EHMT2: variants seen among roughly 807,000 people sequenced by gnomAD.
EHMT2 encodes histone-lysine N-methyltransferase EHMT2.
Under a neutral mutation model 143.3 loss-of-function variants are expected in EHMT2, and 59 were observed. The observed-to-expected ratio is 0.41, with a 90% CI of 0.33 to 0.51. The LOEUF (loss-of-function observed/expected upper bound fraction) is 0.51, where lower values mean the gene tolerates loss of function less well. Ranked by LOEUF, EHMT2 falls within the 20% of genes least tolerant of loss-of-function variation. The probability of loss-of-function intolerance (pLI) is 0.18; values close to 1 mark genes in which losing one functional copy is unlikely to be tolerated. For synonymous variants in EHMT2, 604 were observed against 651.5 expected (o/e 0.93, Z 1.11); for missense variants, 1,174 against 1,645.9 (o/e 0.71, Z 4.96).
Position 31,884,266 on chromosome 6 carries a change from G to A in EHMT2, c.2771+126C>T, listed in dbSNP as rs1356519487. 8.7e-6 allele frequency: 10 copies of A among 1,150,592 alleles called. No homozygotes were observed. Among genetic ancestry groups the A allele is most frequent in the Non-Finnish European group, 1.2e-5 (10 of 829,144 alleles). 71.3% of individuals were successfully genotyped at this position (1,150,592 alleles called of 1,614,324 possible). On this transcript the variant is annotated intron_variant, in intron 21 of 27. Coordinates refer to ENST00000375537, the Ensembl canonical transcript of EHMT2. This position sits in a 1 kb window ranked among gnomAD's most constrained non-coding sequence, Gnocchi z 7.3. The stretch of plus-strand genomic sequence containing the variant: ...ACCCTAGTGGGGAGGGGGCCTGTGG[G>A]TGGTTCTGGGGATTCAGTGGTGCAT...
chr6:31,893,939 T>C (rs1352221107), intron 4 of EHMT2, among the ~76,000 whole-genome samples: 1 of 152,144 alleles, frequency 6.6e-6, no homozygotes, highest in Non-Finnish European at 1.5e-5. Flanking sequence ...TGAAAGTATT[T>C]AATACCATTA....
In EHMT2 at chr6:31,883,755, A is replaced by G; in HGVS notation, c.2916+51T>C. 9 of 1,593,600 alleles carry G rather than the reference A, an allele frequency of 5.6e-6. No individual in the cohort carries two copies. Among genetic ancestry groups the G allele is most frequent in the Non-Finnish European group, 7.7e-6 (9 of 1,170,052 alleles). ...GCTGGTTTGAAGCTTGTCCAACTGT[A>G]CTTGGCAGCTCTCGGTGTCCTTTTG... On this transcript the variant is annotated intron_variant, in intron 22 of 27. Transcript: ENST00000375537. This position sits in a 1 kb window ranked among gnomAD's most constrained non-coding sequence, Gnocchi z 5.6.
chr6:31,880,543 T>C lies in EHMT2; in HGVS notation c.3452+130A>G, dbSNP rs1266847539. Reference sequence around the variant, plus strand: ...CCCCAAGTCCTCCAGGAAATACTTATGTACACTGAAATCTGAGAAGCTCTG... The same window carrying C: ...CCCCAAGTCCTCCAGGAAATACTTACGTACACTGAAATCTGAGAAGCTCTG... On this transcript the variant is annotated intron_variant, in intron 27 of 27. Coordinates refer to ENST00000375537, the Ensembl canonical transcript of EHMT2. This position sits in a 1 kb window ranked among gnomAD's most constrained non-coding sequence, Gnocchi z 6.6. 35 of 1,039,680 alleles carry C rather than the reference T, an allele frequency of 3.4e-5. No individual in the cohort carries two copies. The highest frequency in any genetic ancestry group is 4.8e-5 in the African/African-American group (3 of 62,300). 64.4% of individuals were successfully genotyped at this position (1,039,680 alleles called of 1,614,324 possible).
chr6:31,888,891 G>A lies in EHMT2; in HGVS notation c.1216+78C>T, dbSNP rs1487559573. On this transcript the variant is annotated intron_variant, in intron 10 of 27. Transcript: ENST00000375537. This position sits in a 1 kb window ranked among gnomAD's most constrained non-coding sequence, Gnocchi z 7.4. ...TGGCCATGGACACCCCGGCTCTGGCGTGGTTCCCCTCCTTCCCTTTCCCTC... is the reference window on the plus strand; with the variant it reads ...TGGCCATGGACACCCCGGCTCTGGCATGGTTCCCCTCCTTCCCTTTCCCTC... 5.3e-6 allele frequency: 8 copies of A among 1,500,846 alleles called. No homozygotes were observed. The highest frequency in any genetic ancestry group is 4.1e-5 in the African/African-American group (3 of 72,292). The allele number at this position is 1,500,846 out of a possible 1,614,324, so 93.0% of individuals were successfully genotyped here.
rs1249973228 is a variant in EHMT2 at position 31,889,345 on chromosome 6, G to C, written c.1000-3C>G. ...TTGCGCCGGCCACTGGAACCACTCT[G>C]GGAAGGGGGAGGAGGAGGAGTTAGG... On this transcript the variant is annotated splice_polypyrimidine_tract_variant and splice_region_variant and intron_variant, in intron 8 of 27. Coordinates refer to ENST00000375537, the Ensembl canonical transcript of EHMT2. This position sits in a 1 kb window ranked among gnomAD's most constrained non-coding sequence, Gnocchi z 5.1. 1 of 1,611,600 alleles carries C rather than the reference G, an allele frequency of 6.2e-7. No homozygotes were observed. The highest frequency in any genetic ancestry group is 8.5e-7 in the Non-Finnish European group (1 of 1,179,900).
In EHMT2 at chr6:31,880,133, T is replaced by G. The variant is rs564703770; in HGVS notation, c.3584A>C (p.His1195Pro). The G allele has an allele frequency of 6.2e-7, 1 of 1,612,850 alleles. No homozygotes were observed. Among genetic ancestry groups the G allele is most frequent in the Admixed American group, 1.7e-5 (1 of 59,996 alleles). ...GCCGAGCTCGGGCAGCAGCTCAGGG[T>G]GTGGGTCCAGGCGGGCCAGACGGCT... The change falls in exon 28 of 28, where the codon CAC (histidine) becomes CCC (proline). Residue 1195 changes from histidine (H) to proline (P), a missense_variant. Physicochemically the swap from His to Pro is moderately conservative, Grantham distance 77. This residue lies in a region of EHMT2 where 42 missense variants were observed against 45.1 expected (regional missense o/e 0.93). Coordinates refer to ENST00000375537, the Ensembl canonical transcript of EHMT2. This position sits in a 1 kb window ranked among gnomAD's most constrained non-coding sequence, Gnocchi z 6.6.
chr6:31,888,841 G>T lies in EHMT2; in HGVS notation c.1217-94C>A. On this transcript the variant is annotated intron_variant, in intron 10 of 27. Transcript: ENST00000375537. This position sits in a 1 kb window ranked among gnomAD's most constrained non-coding sequence, Gnocchi z 7.4. Reference sequence around the variant, plus strand: ...TCTCACTCCCTCCCTACCCCACCCCGCCATGCCCCAGAACCCCTAAAGCCT... The same window carrying T: ...TCTCACTCCCTCCCTACCCCACCCCTCCATGCCCCAGAACCCCTAAAGCCT... The T allele has an allele frequency of 1.6e-6, 2 of 1,228,968 alleles. No individual in the cohort carries two copies. The highest frequency in any genetic ancestry group is 2.2e-6 in the Non-Finnish European group (2 of 903,552). The allele number at this position is 1,228,968 out of a possible 1,614,324, so 76.1% of individuals were successfully genotyped here.
chr6:31,883,243 C>T lies in EHMT2; in HGVS notation c.2994+119G>A. ...ATTCCCAGGCCTTGCCCAGTCCTCT[C>T]AGTCACTTCCCCCACAGGGTAGGAG... On this transcript the variant is annotated intron_variant, in intron 23 of 27. Coordinates refer to ENST00000375537, the Ensembl canonical transcript of EHMT2. The surrounding 1 kb of genome is among the most constrained non-coding windows in gnomAD (Gnocchi z 5.6). 2 of 1,118,796 alleles carry T rather than the reference C, an allele frequency of 1.8e-6. No individual in the cohort carries two copies. The highest frequency in any genetic ancestry group is 2.6e-6 in the Non-Finnish European group (2 of 764,572). The allele number at this position is 1,118,796 out of a possible 1,614,324, so 69.3% of individuals were successfully genotyped here.
At position 31,884,130 on chromosome 6, in the gene EHMT2, G is replaced by T; in HGVS notation, c.2772-180C>A. 1.3e-6 allele frequency: 1 copy of T among 760,398 alleles called. No homozygotes were observed. The highest frequency in any genetic ancestry group is 2.1e-6 in the Non-Finnish European group (1 of 487,118). The allele number at this position is 760,398 out of a possible 1,614,324, so 47.1% of individuals were successfully genotyped here. A position where few individuals can be genotyped will look rare whatever the true frequency, so the allele number is the denominator to read the frequency against. On this transcript the variant is annotated intron_variant, in intron 21 of 27. Transcript: ENST00000375537. The surrounding 1 kb of genome is among the most constrained non-coding windows in gnomAD (Gnocchi z 7.3). ...TAGATAAACAAGAAATAGCTTTTTAGTATGTCCCAAAAATTACACAGGACA... is the reference window on the plus strand; with the variant it reads ...TAGATAAACAAGAAATAGCTTTTTATTATGTCCCAAAAATTACACAGGACA...
chr6:31,896,366 G>A (rs757584905), exon 4 of EHMT2: 1 of 1,613,008 alleles, frequency 6.2e-7, no homozygotes, highest in Admixed American at 1.7e-5. Context: ...TGCTGCTGCA[G>A]CTCCCTGGGC....
chr6:31,897,240 GCCTC>G, intron 1 of EHMT2: 2 of 1,173,320 alleles, frequency 1.7e-6, no homozygotes, highest in Non-Finnish European at 2.2e-6. Context: ...AGGGGGCGGG[GCCTC>G]CGCGCCCCGG....
chr6:31,893,528 T>C, intron 4 of EHMT2: 1 of 303,546 alleles, frequency 3.3e-6, no homozygotes, highest in South Asian at 2.6e-5. Flanking sequence ...GGTCTTGCCA[T>C]GTTGCCCAGG....
intron 4 of EHMT2, among the ~76,000 whole-genome samples, chr6:31,894,879 C>T (rs1423502576): frequency 6.6e-6 from 1 of 152,092 alleles, no homozygotes; most frequent in Admixed American, 6.5e-5. Context: ...TCTCGAACTC[C>T]TGACCTCAAG....
At chr6:31,890,277 A>C (rs1355623439) in intron 7 of EHMT2, among the ~76,000 whole-genome samples, 3 of 151,942 alleles carry the variant, frequency 2.0e-5, no homozygotes, top group Non-Finnish European at 4.4e-5. Context: ...TTATTTATTT[A>C]TTGAGTTTTG....
chr6:31,886,081 C>T (rs142576462), intron 18 of EHMT2: 7,595 of 151,888 alleles, frequency 0.05, 264 homozygotes, highest in African/African-American at 0.096. Context: ...AGTGAGACTC[C>T]GTCTCAAAAA....
At chr6:31,882,101 G>A (rs1385755287) in intron 25 of EHMT2, among the ~76,000 whole-genome samples, 32 of 142,716 alleles carry the variant, frequency 2.2e-4, no homozygotes, top group African/African-American at 7.9e-4. Context: ...GTGAAACTCC[G>A]TCTCAAAAAA....
At chr6:31,887,501 T>C in intron 15 of EHMT2, 76 bp downstream of exon 15, 2 of 1,332,988 alleles carry the variant, frequency 1.5e-6, no homozygotes, top group Non-Finnish European at 2.1e-6. Flanking sequence ...ACGACTGTAC[T>C]CCTGGCCCTG....
chr6:31,896,331 T>G, exon 4 of EHMT2: 1 of 1,612,984 alleles, frequency 6.2e-7, no homozygotes, highest in Non-Finnish European at 8.5e-7. Context: ...TCTGGGCTCG[T>G]GGTGGCTGGA....
In EHMT2 at chr6:31,889,532, T is replaced by G; in HGVS notation, c.935A>C (p.Glu312Ala). ...TTCTTCCTCTTCCTCCTCCTCTTCC[T>G]CTTCTTCTTCTTCCTCCTCTTCCTC... Residue 312 changes from glutamate to alanine, a missense_variant, in exon 8 of 28, where the codon GAG becomes GCG. Glu to Ala is a moderately radical substitution (Grantham distance 107, BLOSUM62 -1). Coordinates refer to ENST00000375537, the Ensembl canonical transcript of EHMT2. The surrounding 1 kb of genome is among the most constrained non-coding windows in gnomAD (Gnocchi z 5.1). 1 of 1,608,550 alleles carries G rather than the reference T, an allele frequency of 6.2e-7. No individual in the cohort carries two copies. The highest frequency in any genetic ancestry group is 1.1e-5 in the South Asian group (1 of 90,988).
Sources: allele counts gnomAD v4.1 joint callset (sites outside exome capture counted in the v4.1 genomes callset), GRCh38; gene constraint gnomAD v4.1.1; regional missense constraint gnomAD v4.1.1; non-coding constraint Gnocchi (gnomAD v3.1); transcripts MANE v1.5; gene names NCBI Gene and HGNC (gene_info 2026-07-23, HGNC 2026-07-21).